Variants in GPM6A observed in about 807,000 individuals in gnomAD.
The protein encoded by GPM6A is neuronal membrane glycoprotein M6-a.
A neutral mutation model predicts 32.1 loss-of-function variants in GPM6A; 7 were observed. The observed-to-expected ratio is 0.22, with a 90% CI of 0.12 to 0.41. The LOEUF is 0.41. GPM6A is among the 10% of genes least tolerant of loss of function. GPM6A has a pLI of 1.00. For synonymous variants in GPM6A, 130 were observed against 123.4 expected, an observed-to-expected ratio of 1.05 and a Z score of -0.35; for missense variants, 235 against 347.2, an observed-to-expected ratio of 0.68 and a Z score of 2.57.
intron 1 of GPM6A, among the ~76,000 whole-genome samples, chr4:175,989,182 T>TA (rs557003459): frequency 5.7e-4 from 87 of 152,186 alleles, no homozygotes; most frequent in African/African-American, 1.9e-3. Flanking sequence ...CTATTAGCTT[T>TA]AAAAAAAATT....
rs1186189331 is a variant in GPM6A at position 175,652,555 on chromosome 4, A to ATT, written c.388-570_388-569dup. Among the ~76,000 whole-genome samples the ATT allele has an allele frequency of 2.6e-5, 4 of 151,964 alleles. No homozygotes were observed. In the East Asian group the frequency reaches 7.7e-4, roughly 29 times the overall value. On this transcript the variant is annotated intron_variant, in intron 3 of 6. Transcript: ENST00000393658. ...TTGTTTTATGCATGTTAATATACAT[A>ATT]TTTTATATATAGTATATACACTTAT...
At chr4:175,700,407 T>A (rs192716601) in intron 2 of GPM6A, among the ~76,000 whole-genome samples, 2 of 152,288 alleles carry the variant, frequency 1.3e-5, no homozygotes, top group African/African-American at 4.8e-5. Flanking sequence ...TAAAAAGTTG[T>A]CTGGGTTGAC....
chr4:175,859,325 C>T (rs1269570684), intron 1 of GPM6A, among the ~76,000 whole-genome samples: 1 of 152,080 alleles, frequency 6.6e-6, no homozygotes, highest in African/African-American at 2.4e-5. Context: ...GTTAAACCTG[C>T]AAAAACTTCA....
chr4:175,721,189 A>G (rs2111115971), intron 1 of GPM6A, among the ~76,000 whole-genome samples: 2 of 126,184 alleles, frequency 1.6e-5, no homozygotes, highest in Admixed American at 1.7e-4. Context: ...AAAAGGCAAG[A>G]TCTAGGCCAG....
intron 1 of GPM6A, among the ~76,000 whole-genome samples, chr4:175,747,269 CAAAAAAAAA>C (rs5864346): frequency 2.7e-5 from 3 of 109,518 alleles, no homozygotes; most frequent in Non-Finnish European, 5.5e-5. Context: ...ACTCCATCTC[CAAAAAAAAA>C]AAAAAAAAAA....
rs150829690 is a variant in GPM6A, at chr4:175,873,014, G to A, written c.-22-60765C>T. ...CTGATTTTATTTAAGGTATTTGGGG[G>A]AAGAAGAATAAGATATTAAATAAAA... On this transcript the variant is annotated intron_variant, in intron 1 of 7. Transcript: ENST00000280187. 3.7e-3 allele frequency among the ~76,000 whole-genome samples: 568 copies of A among 152,166 alleles called. 6 individuals carry two copies. The highest frequency in any genetic ancestry group is 0.013 in the African/African-American group (547 of 41,528).
chr4:175,815,437 T>C, upstream of GPM6A, among the ~76,000 whole-genome samples: 1 of 152,246 alleles, frequency 6.6e-6, no homozygotes. Flanking sequence ...TTTCACATTA[T>C]AGTAGATTTG....
intron 1 of GPM6A, among the ~76,000 whole-genome samples, chr4:175,846,997 A>G (rs1736112188): frequency 6.6e-6 from 1 of 152,162 alleles, no homozygotes; most frequent in African/African-American, 2.4e-5. Context: ...CTGTATAAGT[A>G]AGAGCCAAGA....
At chr4:175,812,606 G>T (rs1045843189), upstream of GPM6A, 119 of 1,001,686 alleles carry the variant, frequency 1.2e-4, no homozygotes, top group Admixed American at 1.8e-4. Context: ...GTCTTGCTTT[G>T]CATTTAAAAT....
intron 1 of GPM6A, among the ~76,000 whole-genome samples, chr4:175,857,010 C>G (rs1367636151): frequency 1.3e-5 from 2 of 152,138 alleles, no homozygotes; most frequent in Non-Finnish European, 2.9e-5. Context: ...ACCCAGGACC[C>G]TGCCCTCTTC....
intron 1 of GPM6A, among the ~76,000 whole-genome samples, chr4:175,875,329 A>C (rs1173596117): frequency 6.6e-6 from 1 of 152,180 alleles, no homozygotes; most frequent in Non-Finnish European, 1.5e-5. Flanking sequence ...TCTTTTGCTT[A>C]AATTAGTCAC....
chr4:175,864,479 C>T (rs1372994854), intron 1 of GPM6A, among the ~76,000 whole-genome samples: 2 of 151,938 alleles, frequency 1.3e-5, no homozygotes, highest in Non-Finnish European at 2.9e-5. Context: ...CAGCTTTTTG[C>T]TAATTTTTGA....
intron 1 of GPM6A, among the ~76,000 whole-genome samples, chr4:175,888,483 G>C (rs1560980859): frequency 6.6e-6 from 1 of 151,970 alleles, no homozygotes; most frequent in Admixed American, 6.6e-5. Flanking sequence ...CACTCACAAA[G>C]ACAGTTAATC....
At chr4:175,691,724 C>T (rs74711267) in intron 2 of GPM6A, among the ~76,000 whole-genome samples, 7,163 of 152,192 alleles carry the variant, frequency 0.047, 194 homozygotes, top group Non-Finnish European at 0.063. Context: ...TCTCCATAAC[C>T]TGTAAATATG....
In GPM6A at chr4:175,956,091, C is replaced by T. The variant is rs556037490; in HGVS notation, c.-23+46218G>A. The stretch of plus-strand genomic sequence containing the variant: ...TTCCATGGATGGGCGCCATAGTGCA[C>T]GTGCGTCGTACAAAACCGAATGCTC... On this transcript the variant is annotated intron_variant, in intron 1 of 7. Transcript: ENST00000280187. Among the ~76,000 whole-genome samples the T allele has an allele frequency of 1.1e-4, 17 of 152,246 alleles. No homozygotes were observed. The Middle Eastern group carries it at 0.014, about 122-fold the overall frequency.
At chr4:175,856,238 C>T (rs1485321641) in intron 1 of GPM6A, among the ~76,000 whole-genome samples, 2 of 152,204 alleles carry the variant, frequency 1.3e-5, no homozygotes, top group African/African-American at 4.8e-5. Context: ...AGTATTACTT[C>T]ATTAATTATA....
chr4:175,876,992 C>T (rs891420945), intron 1 of GPM6A, among the ~76,000 whole-genome samples: 1 of 152,078 alleles, frequency 6.6e-6, no homozygotes, highest in Admixed American at 6.5e-5. Flanking sequence ...CATGCGGTCA[C>T]TTATCCCTCC....
chr4:175,676,163 G>A (rs553854135), intron 2 of GPM6A, among the ~76,000 whole-genome samples: 2 of 152,246 alleles, frequency 1.3e-5, no homozygotes, highest in East Asian at 3.9e-4. Context: ...ATGGTTGTAA[G>A]TTTCCTGAGG....
intron 1 of GPM6A, among the ~76,000 whole-genome samples, chr4:175,867,600 T>C (rs1287049351): frequency 6.6e-6 from 1 of 152,228 alleles, no homozygotes; most frequent in Admixed American, 6.5e-5. Context: ...TTCTGTTCCA[T>C]TAAACTATTT....
Sources: gnomAD v4.1 joint callset for allele counts (sites outside exome capture counted in the v4.1 genomes callset) on GRCh38, gnomAD v4.1.1 for gene constraint, MANE v1.5 for transcripts, NCBI Gene and HGNC (gene_info 2026-07-23, HGNC 2026-07-21) for gene names.